The following CTNNBL1 variants were observed in gnomAD, a reference collection of about 807,000 sequenced individuals.
The protein encoded by CTNNBL1 is catenin beta like 1.
In CTNNBL1, 31 loss-of-function variants were observed where a neutral mutation model predicts 72.7. That is an observed-to-expected ratio of 0.43 (90% CI 0.32 to 0.58). The LOEUF (loss-of-function observed/expected upper bound fraction) is 0.58. Among genes scored for constraint, CTNNBL1 ranks in the 20% least tolerant of loss-of-function variants. The pLI, the probability that CTNNBL1 is intolerant of heterozygous loss-of-function variation, is 0.08. For synonymous variants in CTNNBL1, 240 were observed against 267.3 expected, an observed-to-expected ratio of 0.90 and a Z score of 1.00; for missense variants, 534 against 725.1, an observed-to-expected ratio of 0.74 and a Z score of 3.03.
intron 1 of CTNNBL1, among the ~76,000 whole-genome samples, chr20:37,716,599 G>A (rs901645965): frequency 1.3e-5 from 2 of 152,124 alleles, no homozygotes; most frequent in African/African-American, 4.8e-5. Context: ...GAAATAAAGT[G>A]CATCTTACAC....
chr20:37,717,937 TC>T (rs2073001656), intron 1 of CTNNBL1, among the ~76,000 whole-genome samples: 1 of 152,082 alleles, frequency 6.6e-6, no homozygotes, highest in Admixed American at 6.6e-5. Context: ...AGGTCACAGA[TC>T]AACAGGATCC....
chr20:37,841,745 G>T (rs2072305949), intron 12 of CTNNBL1, among the ~76,000 whole-genome samples: 1 of 152,212 alleles, frequency 6.6e-6, no homozygotes, highest in South Asian at 2.1e-4. Context: ...CTCAAGCCAT[G>T]TTTGAAGCAT....
rs2073455463 is a variant in CTNNBL1 at position 37,765,204 on chromosome 20, G to A, written c.572G>A (p.Gly191Glu). Reference protein sequence around the residue: ...AEVLIDALVDGQVVALLVQNL... With the variant: ...AEVLIDALVDEQVVALLVQNL... ...GCTTCGCTATTCTTGCAGGTGGATG[G>A]GCAGGTGGTAGCACTGCTGGTACAG... Residue 191 changes from glycine to glutamate, a missense_variant, in exon 6 of 16, where the codon GGG (glycine) becomes GAG (glutamate). Coordinates refer to ENST00000361383, the MANE Select transcript of CTNNBL1 (RefSeq NM_030877.5). 6.4e-7 allele frequency: 1 copy of A among 1,550,720 alleles called. No individual in the cohort carries two copies. The highest frequency in any genetic ancestry group is 8.7e-7 in the Non-Finnish European group (1 of 1,146,276).
At chr20:37,768,765 TTTTTTTTG>T (rs1018164622) in intron 7 of CTNNBL1, among the ~76,000 whole-genome samples, 5 of 152,062 alleles carry the variant, frequency 3.3e-5, no homozygotes, top group East Asian at 1.9e-4. Context: ...ATTTAGAAAC[TTTTTTTTG>T]TTTTTTTGTT....
intron 7 of CTNNBL1, 99 bp from the exon 8 acceptor site, chr20:37,777,246 C>A: frequency 1.1e-6 from 1 of 914,714 alleles, no homozygotes; most frequent in Non-Finnish European, 1.8e-6. Flanking sequence ...CTAACTTCTG[C>A]TTCTCTCTAA....
chr20:37,694,211 G>A, intron 1 of CTNNBL1, 59 bp downstream of exon 1: 1 of 1,477,612 alleles, frequency 6.8e-7, no homozygotes, highest in Non-Finnish European at 9.1e-7. Flanking sequence ...GGTCGCAGGA[G>A]CCAGAGCCCT....
chr20:37,723,366 A>G (rs1307018242), intron 1 of CTNNBL1, among the ~76,000 whole-genome samples: 1 of 152,196 alleles, frequency 6.6e-6, no homozygotes, highest in Non-Finnish European at 1.5e-5. Flanking sequence ...TTTCCCCTTC[A>G]TTGTGAACAT....
chr20:37,698,535 C>T (rs2072812503), intron 1 of CTNNBL1, among the ~76,000 whole-genome samples: 2 of 152,202 alleles, frequency 1.3e-5, no homozygotes, highest in African/African-American at 4.8e-5. Flanking sequence ...GGACCTTATT[C>T]AGGCCCTGGC....
intron 1 of CTNNBL1, among the ~76,000 whole-genome samples, chr20:37,704,125 CCTCT>C (rs2072866452): frequency 1.3e-5 from 2 of 152,146 alleles, no homozygotes. Flanking sequence ...ACAGAGCCTG[CCTCT>C]CTCTCAGAGT....
intron 15 of CTNNBL1, among the ~76,000 whole-genome samples, chr20:37,868,516 CTGTA>C (rs2072556228): frequency 6.6e-6 from 1 of 152,190 alleles, no homozygotes; most frequent in South Asian, 2.1e-4. Context: ...CCACTCCGCT[CTGTA>C]TGGGACAGGC....
At chr20:37,803,445 C>A (rs1033198804) in intron 11 of CTNNBL1, among the ~76,000 whole-genome samples, 1 of 152,204 alleles carries the variant, frequency 6.6e-6, no homozygotes, top group Non-Finnish European at 1.5e-5. Context: ...ATTCAGCCAA[C>A]ATCAGGAATT....
intron 7 of CTNNBL1, among the ~76,000 whole-genome samples, chr20:37,771,235 C>G (rs1233785825): frequency 3.9e-5 from 6 of 152,200 alleles, no homozygotes; most frequent in African/African-American, 1.4e-4. Context: ...TGGAACTGAA[C>G]AAATACAGAT....
At chr20:37,783,540 A>G (rs951605597) in intron 10 of CTNNBL1, among the ~76,000 whole-genome samples, 7 of 152,084 alleles carry the variant, frequency 4.6e-5, no homozygotes, top group Non-Finnish European at 8.8e-5. Flanking sequence ...GTTGTATCCC[A>G]TAAATTTTGG....
intron 11 of CTNNBL1, among the ~76,000 whole-genome samples, chr20:37,829,495 G>A (rs370004520): frequency 2.0e-5 from 3 of 152,260 alleles, no homozygotes; most frequent in African/African-American, 7.2e-5. Context: ...GATGGTGAGG[G>A]TCTGCTTTTC....
chr20:37,788,478 A>G (rs1193589149), intron 10 of CTNNBL1, among the ~76,000 whole-genome samples: 3 of 152,230 alleles, frequency 2.0e-5, no homozygotes, highest in Non-Finnish European at 2.9e-5. Flanking sequence ...TTGCCTGAAC[A>G]TATTTAGTTC....
chr20:37,802,596 G>T (rs2073831931), intron 10 of CTNNBL1, among the ~76,000 whole-genome samples: 1 of 152,132 alleles, frequency 6.6e-6, no homozygotes, highest in Non-Finnish European at 1.5e-5. Context: ...TATAATTTTA[G>T]TCTCTTTCTT....
chr20:37,758,737 T>C (rs975468308), intron 5 of CTNNBL1, among the ~76,000 whole-genome samples: 2 of 152,248 alleles, frequency 1.3e-5, no homozygotes, highest in African/African-American at 4.8e-5. Context: ...CTTTTCTCTC[T>C]GGTAAGAATG....
intron 11 of CTNNBL1, among the ~76,000 whole-genome samples, chr20:37,839,130 A>AG (rs2072279418): frequency 6.6e-6 from 1 of 152,162 alleles, no homozygotes; most frequent in Non-Finnish European, 1.5e-5. Context: ...TAGGGAAACG[A>AG]GGGGATGGGG....
At position 37,791,742 on chromosome 20, in the gene CTNNBL1, C is replaced by A. The variant is rs371181762; in HGVS notation, c.1032-11125C>A. ...ATAGGAGTGCAGATCCCATTGTGAA[C>A]TGCGCGTGCGAGCGATCTAAGTTGT... On this transcript the variant is annotated intron_variant, in intron 10 of 15. Coordinates refer to ENST00000361383, the MANE Select transcript of CTNNBL1 (RefSeq NM_030877.5). Among the ~76,000 whole-genome samples the A allele has an allele frequency of 1.9e-3, 284 of 152,296 alleles. 4 individuals are homozygous for A. Among genetic ancestry groups the A allele is most frequent in the African/African-American group, 6.7e-3 (278 of 41,564 alleles).
Sources: allele counts gnomAD v4.1 joint callset (sites outside exome capture counted in the v4.1 genomes callset), GRCh38; gene constraint gnomAD v4.1.1; transcripts MANE v1.5; gene names NCBI Gene and HGNC (gene_info 2026-07-23, HGNC 2026-07-21).